The following PRKCH variants were observed in gnomAD, a reference collection of about 807,000 sequenced individuals.
PRKCH encodes the protein protein kinase C eta.
In PRKCH, 28 loss-of-function variants were observed where a neutral mutation model predicts 82.5. That is an observed-to-expected ratio of 0.34 (90% CI 0.25 to 0.47). The LOEUF (loss-of-function observed/expected upper bound fraction) is 0.47. PRKCH is among the 20% of genes least tolerant of loss of function. The pLI is 1.00. For missense variants in PRKCH, 705 were observed against 881.8 expected, an observed-to-expected ratio of 0.80 and a Z score of 2.54; for synonymous variants, 322 against 327.4, an observed-to-expected ratio of 0.98 and a Z score of 0.18.
intron 10 of PRKCH, among the ~76,000 whole-genome samples, chr14:61,507,898 A>C (rs1887220363): frequency 6.6e-6 from 1 of 152,110 alleles, no homozygotes; most frequent in Non-Finnish European, 1.5e-5. Context: ...GTATACTTAA[A>C]ATTTTGCTAA....
intron 1 of PRKCH, among the ~76,000 whole-genome samples, chr14:61,189,519 T>G (rs1387397470): frequency 6.6e-6 from 1 of 151,602 alleles, no homozygotes; most frequent in African/African-American, 2.4e-5. Flanking sequence ...TCTCTCTCTC[T>G]CTCCCCTTCC....
chr14:61,450,668 GTTTAGTCTGGT>G (rs1360246901), intron 5 of PRKCH, among the ~76,000 whole-genome samples, 163 bp from the exon 6 acceptor site: 1 of 152,164 alleles, frequency 6.6e-6, no homozygotes, highest in Non-Finnish European at 1.5e-5. Context: ...TAGAAAATGT[GTTTAGTCTGGT>G]TCGTAAGACC....
intron 9 of PRKCH, among the ~76,000 whole-genome samples, chr14:61,484,670 G>A (rs369417145): frequency 5.9e-5 from 9 of 151,636 alleles, no homozygotes; most frequent in Admixed American, 2.0e-4. Flanking sequence ...ATGGCATCTC[G>A]CTCATTTCTA....
At chr14:61,272,129 G>A (rs1243145221) in intron 1 of PRKCH, among the ~76,000 whole-genome samples, 2 of 151,786 alleles carry the variant, frequency 1.3e-5, no homozygotes, top group South Asian at 2.1e-4. Context: ...TCGGGAGGCT[G>A]AGGCAGGAGA....
chr14:61,201,111 C>T (rs996622575), intron 1 of PRKCH, among the ~76,000 whole-genome samples: 7 of 152,204 alleles, frequency 4.6e-5, no homozygotes, highest in Admixed American at 6.5e-5. Flanking sequence ...ATATTCTTAG[C>T]GTGATGCAAG....
intron 6 of PRKCH, chr14:61,452,623 T>C (rs1490819247): frequency 3.3e-5 from 5 of 152,514 alleles, no homozygotes; most frequent in Non-Finnish European, 7.3e-5. Context: ...CTTTCCCCAC[T>C]ATGAAGCAGT....
At chr14:61,210,778 CTCTCTCTCTCTCTGTGTG>C (rs2044570114) in intron 1 of PRKCH, among the ~76,000 whole-genome samples, 1 of 118,164 alleles carries the variant, frequency 8.5e-6, no homozygotes, top group Non-Finnish European at 2.0e-5. Flanking sequence ...CTCTCTCTCT[CTCTCTCTCTCTCTGTGTG>C]TGTGTGTGTG....
intron 10 of PRKCH, among the ~76,000 whole-genome samples, chr14:61,528,522 G>A (rs1465503637): frequency 6.6e-6 from 1 of 152,098 alleles, no homozygotes; most frequent in Non-Finnish European, 1.5e-5. Context: ...GCATAATGGC[G>A]CCAGGCATAA....
At chr14:61,277,010 C>G (rs138629091) in intron 1 of PRKCH, among the ~76,000 whole-genome samples, 99 of 151,970 alleles carry the variant, frequency 6.5e-4, no homozygotes, top group Non-Finnish European at 1.3e-3. Context: ...TTGGTGAAAC[C>G]CCATCTCTAC....
At chr14:61,490,927 AAAAC>A (rs1046594576) in intron 10 of PRKCH, among the ~76,000 whole-genome samples, 5 of 152,088 alleles carry the variant, frequency 3.3e-5, no homozygotes, top group African/African-American at 1.2e-4. Context: ...CAAAAAAACA[AAAAC>A]AAACAAAAAA....
intron 2 of PRKCH, among the ~76,000 whole-genome samples, chr14:61,394,322 TC>T (rs2046735565): frequency 6.6e-6 from 1 of 152,100 alleles, no homozygotes; most frequent in Non-Finnish European, 1.5e-5. Flanking sequence ...TGCTCCAAGG[TC>T]TTTTTGCTTT....
In PRKCH at chr14:61,256,345, C is replaced by T. The variant is rs1265594320; in HGVS notation, c.-19+68677C>T. Among the ~76,000 whole-genome samples, 4 of 152,138 alleles carry T rather than the reference C, an allele frequency of 2.6e-5. No homozygotes were observed. The East Asian group carries it at 7.7e-4, about 29-fold the overall frequency. The stretch of plus-strand genomic sequence containing the variant: ...CTCCTTTAGCAAATAGAATAGTATT[C>T]CATTTTCCAGTTGCTAACCTGAATT... On this transcript the variant is annotated intron_variant, in intron 1 of 3. Transcript: ENST00000555185.
chr14:61,325,603 C>G (rs1365878533), intron 1 of PRKCH, among the ~76,000 whole-genome samples: 2 of 152,018 alleles, frequency 1.3e-5, no homozygotes, highest in African/African-American at 4.8e-5. Context: ...ATAAAAAAAT[C>G]AGTAAGTTGG....
intron 1 of PRKCH, among the ~76,000 whole-genome samples, chr14:61,256,100 T>C (rs2044995737): frequency 6.6e-6 from 1 of 152,178 alleles, no homozygotes; most frequent in Admixed American, 6.5e-5. Flanking sequence ...TTTTATGTTT[T>C]TACTCATCGA....
At position 61,433,052 on chromosome 14, in the gene PRKCH, A is replaced by AAAAAAAAAAC. The variant is rs1555386587; in HGVS notation, c.428-10058_428-10049dup. Among the ~76,000 whole-genome samples the AAAAAAAAAAC allele has an allele frequency of 3.5e-3, 522 of 149,720 alleles. 20 individuals are homozygous for AAAAAAAAAAC. The South Asian group carries it at 0.071, about 20-fold the overall frequency. On this transcript the variant is annotated intron_variant, in intron 2 of 13. Coordinates refer to ENST00000332981, the MANE Select transcript of PRKCH (RefSeq NM_006255.5). ...CACCCCCCAACCTCTTCAAAAAAAA[A>AAAAAAAAAAC]AAAAAAAAACTATCAAAAAATGGTG...
chr14:61,453,416 A>C lies in PRKCH; in HGVS notation c.960+63A>C, dbSNP rs1477065753. On this transcript the variant is annotated intron_variant, in intron 7 of 13. Coordinates refer to ENST00000332981, the MANE Select transcript of PRKCH (RefSeq NM_006255.5). Reference sequence around the variant, plus strand: ...AAGTTGCTCAGATGTGATGAGCCCAAATGAGAGCATGTGGCCTCATCAAAG... The same window carrying C: ...AAGTTGCTCAGATGTGATGAGCCCACATGAGAGCATGTGGCCTCATCAAAG... 3 of 1,561,082 alleles carry C rather than the reference A, an allele frequency of 1.9e-6. No homozygotes were observed. In the East Asian group the frequency reaches 6.8e-5, roughly 35 times the overall value.
intron 1 of PRKCH, among the ~76,000 whole-genome samples, chr14:61,233,693 G>A (rs550995642): frequency 2.6e-5 from 4 of 152,210 alleles, no homozygotes; most frequent in East Asian, 1.9e-4. Context: ...TAGTTATCAC[G>A]AGATCTGATG....
At chr14:61,383,796 A>G (rs1443462314) in intron 1 of PRKCH, among the ~76,000 whole-genome samples, 3 of 152,106 alleles carry the variant, frequency 2.0e-5, no homozygotes, top group Non-Finnish European at 4.4e-5. Flanking sequence ...GGGCCTGACT[A>G]GGACAGCAGG....
chr14:61,445,539 C>T (rs1884179842), intron 3 of PRKCH, among the ~76,000 whole-genome samples, 153 bp from the exon 4 acceptor site: 1 of 152,154 alleles, frequency 6.6e-6, no homozygotes, highest in Non-Finnish European at 1.5e-5. Context: ...CTCATAGTAA[C>T]AAACAATGGC....
Sources: gnomAD v4.1 joint callset for allele counts (sites outside exome capture counted in the v4.1 genomes callset) on GRCh38, gnomAD v4.1.1 for gene constraint, MANE v1.5 for transcripts, NCBI Gene and HGNC (gene_info 2026-07-23, HGNC 2026-07-21) for gene names.